ARFGEF1: variants seen among roughly 807,000 people sequenced by gnomAD.
ARFGEF1 encodes the protein ARF guanine nucleotide exchange factor 1.
Under a neutral mutation model 231.0 loss-of-function variants are expected in ARFGEF1, and 42 were observed. The observed-to-expected ratio is 0.18, with a 90% confidence interval of 0.14 to 0.24. The LOEUF (loss-of-function observed/expected upper bound fraction) is 0.24, where lower values mean the gene tolerates loss of function less well. ARFGEF1 is among the 10% of genes least tolerant of loss of function. The pLI, the probability that ARFGEF1 is intolerant of heterozygous loss-of-function variation, is 1.00. For missense variants in ARFGEF1, 1,345 were observed against 2,192.0 expected (o/e 0.61, Z 7.72); for synonymous variants, 710 against 732.3 (o/e 0.97, Z 0.49).
chr8:67,232,130 G>A lies in ARFGEF1; in HGVS notation c.3380+725C>T, dbSNP rs1388693678. Among the ~76,000 whole-genome samples the A allele has an allele frequency of 2.6e-5, 4 of 151,958 alleles. No individual in the cohort carries two copies. In the East Asian group the frequency reaches 7.7e-4, roughly 29 times the overall value. ...AAAGTAAAATAATGGATCAGCATGA[G>A]TTTCCAGACTATCAAGGAAAGATTT... is the stretch of plus-strand genomic sequence containing the variant. On this transcript the variant is annotated intron_variant, in intron 23 of 38. Transcript: ENST00000262215.
At chr8:67,241,361 A>C (rs1839921080) in intron 19 of ARFGEF1, among the ~76,000 whole-genome samples, 1 of 152,228 alleles carries the variant, frequency 6.6e-6, no homozygotes, top group African/African-American at 2.4e-5. Flanking sequence ...TCTAAACTAC[A>C]AAGTACCATA....
chr8:67,183,838 TG>T (rs984158041), intron 5 of ARFGEF1, among the ~76,000 whole-genome samples: 10 of 147,584 alleles, frequency 6.8e-5, no homozygotes, highest in Admixed American at 2.7e-4. Context: ...TGTAAAAAAT[TG>T]GGAATTTTTT....
intron 5 of ARFGEF1, among the ~76,000 whole-genome samples, chr8:67,183,039 A>G (rs145556166): frequency 7.9e-5 from 12 of 152,342 alleles, no homozygotes; most frequent in African/African-American, 2.6e-4. Flanking sequence ...CATCTAAGAC[A>G]TCGTTGCCAA....
chr8:67,257,368 AC>A (rs1183924941), intron 17 of ARFGEF1, among the ~76,000 whole-genome samples: 1 of 152,198 alleles, frequency 6.6e-6, no homozygotes, highest in African/African-American at 2.4e-5. Context: ...GGCGTTAGGT[AC>A]CACGCCTGGC....
chr8:67,265,879 C>A, intron 14 of ARFGEF1, 127 bp downstream of exon 14: 1 of 843,598 alleles, frequency 1.2e-6, no homozygotes, highest in Non-Finnish European at 1.8e-6. Flanking sequence ...ATAGGAGCCT[C>A]GTGAATTAGA....
At chr8:67,225,105 A>G (rs1839327973) in intron 28 of ARFGEF1, 72 bp from the exon 29 acceptor site, 12 of 1,293,796 alleles carry the variant, frequency 9.3e-6, no homozygotes, top group Admixed American at 2.7e-5. Context: ...AACTTCTCAA[A>G]AAATAATTTA....
At chr8:67,300,299 T>G (rs1179988178) in intron 3 of ARFGEF1, among the ~76,000 whole-genome samples, 1 of 152,192 alleles carries the variant, frequency 6.6e-6, no homozygotes, top group African/African-American at 2.4e-5. Flanking sequence ...GAATTATAGT[T>G]GAATACATAT....
chr8:67,226,685 G>C (rs1339767684), intron 27 of ARFGEF1, among the ~76,000 whole-genome samples: 2 of 151,988 alleles, frequency 1.3e-5, no homozygotes, highest in South Asian at 2.1e-4. Context: ...TATAATCTTA[G>C]TATTTCAGTC....
chr8:67,215,638 G>A (rs113177421), intron 33 of ARFGEF1, among the ~76,000 whole-genome samples: 3,362 of 152,248 alleles, frequency 0.022, 77 homozygotes, highest in South Asian at 0.047. Context: ...ATGTGAACAA[G>A]CCAAATAATG....
At chr8:67,184,801 G>A (rs949167364) in intron 5 of ARFGEF1, among the ~76,000 whole-genome samples, 6 of 147,370 alleles carry the variant, frequency 4.1e-5, no homozygotes, top group African/African-American at 1.2e-4. Flanking sequence ...CAGGTCCCAT[G>A]AACGTTAAAA....
At chr8:67,252,828 C>A (rs1482870113) in intron 18 of ARFGEF1, among the ~76,000 whole-genome samples, 1 of 152,156 alleles carries the variant, frequency 6.6e-6, no homozygotes, top group Non-Finnish European at 1.5e-5. Flanking sequence ...GAGCTCTCAC[C>A]TGATCCTAAA....
At chr8:67,248,036 TTA>T (rs1245351847) in intron 19 of ARFGEF1, among the ~76,000 whole-genome samples, 2 of 150,160 alleles carry the variant, frequency 1.3e-5, no homozygotes, top group Non-Finnish European at 3.0e-5. Flanking sequence ...GAAAGATATT[TTA>T]TGTTTATGGA....
chr8:67,313,611 T>C (rs545015120), intron 1 of ARFGEF1, among the ~76,000 whole-genome samples: 1 of 152,316 alleles, frequency 6.6e-6, no homozygotes, highest in Non-Finnish European at 1.5e-5. Flanking sequence ...CTGAGGCTTG[T>C]CTGAACAAAG....
intron 14 of ARFGEF1, 67 bp from the exon 15 acceptor site, chr8:67,259,993 C>T: frequency 1.8e-6 from 2 of 1,101,720 alleles, no homozygotes; most frequent in East Asian, 2.4e-5. Context: ...AGATCTTAAA[C>T]CACAGTAAAT....
rs542099544 is a variant in ARFGEF1, at chr8:67,252,342, G to C, written c.2699-892C>G. On this transcript the variant is annotated intron_variant, in intron 18 of 38. Coordinates refer to ENST00000262215, the MANE Select transcript of ARFGEF1 (RefSeq NM_006421.5). ...TGGCATCTTTGTACCACATAGGCTT[G>C]AATGACTGCTCCTGAGTTAACAAGA... Among the ~76,000 whole-genome samples, 32 of 141,998 alleles carry C rather than the reference G, an allele frequency of 2.3e-4. 1 individual carries two copies. Among genetic ancestry groups the C allele is most frequent in the Admixed American group, 2.1e-3 (30 of 14,256 alleles). The allele number at this position is 141,998 out of a possible 152,430, so 93.2% of individuals were successfully genotyped here. A position where few individuals can be genotyped will look rare whatever the true frequency, so the allele number is the denominator to read the frequency against.
intron 36 of ARFGEF1, among the ~76,000 whole-genome samples, chr8:67,202,216 C>A (rs1157972748): frequency 1.3e-5 from 2 of 152,122 alleles, no homozygotes; most frequent in Non-Finnish European, 2.9e-5. Flanking sequence ...AGCCCCTCAT[C>A]CTCCCAGCAC....
intron 1 of ARFGEF1, among the ~76,000 whole-genome samples, chr8:67,341,177 A>G (rs1369764256): frequency 1.3e-5 from 2 of 152,164 alleles, no homozygotes. Context: ...ATGCTTACTT[A>G]TGTTACTACT....
chr8:67,312,906 A>T (rs1807138462), intron 1 of ARFGEF1, among the ~76,000 whole-genome samples: 2 of 152,208 alleles, frequency 1.3e-5, no homozygotes, highest in African/African-American at 4.8e-5. Flanking sequence ...CCAAAAATCA[A>T]ATATAAAGAG....
rs535084471 is a variant in ARFGEF1, at chr8:67,249,416, T to G, written c.2850+1883A>C. Among the ~76,000 whole-genome samples, 59 of 150,164 alleles carry G rather than the reference T, an allele frequency of 3.9e-4. 4 individuals are homozygous for G. The highest frequency in any genetic ancestry group is 1.4e-3 in the African/African-American group (57 of 40,156). On this transcript the variant is annotated intron_variant, in intron 19 of 38. Coordinates refer to ENST00000262215, the MANE Select transcript of ARFGEF1 (RefSeq NM_006421.5). ...AGGTGTATTAAATACATTTTCCACT[T>G]AAACAACGGGTTTATTGAGACATAA...
Sources: gnomAD v4.1 joint callset for allele counts (sites outside exome capture counted in the v4.1 genomes callset) on GRCh38, gnomAD v4.1.1 for gene constraint, MANE v1.5 for transcripts, NCBI Gene and HGNC (gene_info 2026-07-23, HGNC 2026-07-21) for gene names.